The following TAOK1 variants were observed in gnomAD, a reference collection of about 807,000 sequenced individuals.
TAOK1 encodes the protein serine/threonine-protein kinase TAO1.
TAOK1 carries 21 observed loss-of-function variants against 138.3 expected under a neutral mutation model. The observed-to-expected ratio is 0.15, with a 90% confidence interval of 0.11 to 0.22. The LOEUF (loss-of-function observed/expected upper bound fraction) is 0.22. TAOK1 is among the 10% of genes least tolerant of loss of function. The pLI, the probability that TAOK1 is intolerant of heterozygous loss-of-function variation, is 1.00. For missense variants in TAOK1, 651 were observed against 1,227.7 expected, an observed-to-expected ratio of 0.53 and a Z score of 7.02; for synonymous variants, 361 against 398.4, an observed-to-expected ratio of 0.91 and a Z score of 1.12.
intron 8 of TAOK1, among the ~76,000 whole-genome samples, chr17:29,488,652 A>C (rs555868934): frequency 6.6e-6 from 1 of 151,348 alleles, no homozygotes; most frequent in African/African-American, 2.4e-5. Flanking sequence ...TTCGCCAAAT[A>C]TTTTCAGTCT....
rs949549436 is a variant in TAOK1 at position 29,551,530 on chromosome 17, C to G, written c.*8508C>G. On this transcript the variant is annotated 3_prime_UTR_variant, in exon 20 of 20. Transcript: ENST00000261716. ...ACACATTGTCCTCTCGATTTTTGGA[C>G]CAAACAGACGCTCACAGTGGAGGCT... 9 of 152,502 alleles carry G rather than the reference C, an allele frequency of 5.9e-5. No homozygotes were observed. The East Asian group carries it at 1.7e-3, about 29-fold the overall frequency. 9.4% of individuals were successfully genotyped at this position (152,502 alleles called of 1,614,324 possible).
At chr17:29,498,589 A>G in intron 12 of TAOK1, 68 bp downstream of exon 12, 1 of 1,557,014 alleles carries the variant, frequency 6.4e-7, no homozygotes, top group Non-Finnish European at 8.8e-7. Context: ...TGTTAGTTTA[A>G]GAGAAGGAAG....
intron 8 of TAOK1, among the ~76,000 whole-genome samples, chr17:29,485,931 T>C (rs1005037254): frequency 6.6e-6 from 1 of 152,222 alleles, no homozygotes; most frequent in African/African-American, 2.4e-5. Context: ...TCCAAATTTA[T>C]GGGTAGAGAC....
At chr17:29,464,568 G>T (rs146050197) in intron 2 of TAOK1, among the ~76,000 whole-genome samples, 63 of 152,074 alleles carry the variant, frequency 4.1e-4, no homozygotes, top group Non-Finnish European at 7.6e-4. Flanking sequence ...TATGGTATAT[G>T]AATTATTTCT....
intron 2 of TAOK1, among the ~76,000 whole-genome samples, chr17:29,465,512 T>TA (rs1025887148): frequency 1.3e-5 from 2 of 151,250 alleles, no homozygotes; most frequent in South Asian, 2.1e-4. Flanking sequence ...GTCCTTTTTT[T>TA]AAAAAAAAAG....
At chr17:29,476,905 G>A (rs944207175) in intron 4 of TAOK1, among the ~76,000 whole-genome samples, 1 of 151,810 alleles carries the variant, frequency 6.6e-6, no homozygotes, top group Non-Finnish European at 1.5e-5. Flanking sequence ...GAGTTCAGTG[G>A]CGCAATCACG....
rs541626864 is a variant in TAOK1, at chr17:29,403,408, G to T, written c.-95+12384G>T. On this transcript the variant is annotated intron_variant, in intron 1 of 19. Transcript: ENST00000261716. ...CGTTTTTAGACTTGGGGAATTTAGG[G>T]TTACTGAAAATTGGAAAAGCTTTGT... 3.9e-5 allele frequency among the ~76,000 whole-genome samples: 6 copies of T among 152,162 alleles called. No individual in the cohort carries two copies. In the South Asian group the frequency reaches 1.2e-3, roughly 32 times the overall value.
intron 8 of TAOK1, among the ~76,000 whole-genome samples, chr17:29,485,979 C>A (rs554310803): frequency 1.3e-5 from 2 of 152,268 alleles, no homozygotes; most frequent in South Asian, 4.1e-4. Context: ...GAAATAGTAT[C>A]TCTAACTTAA....
At chr17:29,497,420 A>G (rs1326626166) in intron 11 of TAOK1, among the ~76,000 whole-genome samples, 3 of 152,162 alleles carry the variant, frequency 2.0e-5, no homozygotes, top group Non-Finnish European at 2.9e-5. Flanking sequence ...ATGTAGTTAA[A>G]TTGTTAACAA....
At chr17:29,505,283 T>C (rs1174994588) in intron 13 of TAOK1, among the ~76,000 whole-genome samples, 2 of 152,148 alleles carry the variant, frequency 1.3e-5, no homozygotes, top group Non-Finnish European at 2.9e-5. Flanking sequence ...TTGAAGAGTT[T>C]TTACAATTCT....
chr17:29,506,616 A>G (rs932374359), intron 13 of TAOK1, among the ~76,000 whole-genome samples: 2 of 152,120 alleles, frequency 1.3e-5, no homozygotes, highest in African/African-American at 4.8e-5. Flanking sequence ...GTAGATCTCA[A>G]ATGTCTCACC....
At chr17:29,500,453 G>A (rs1168075947) in intron 12 of TAOK1, among the ~76,000 whole-genome samples, 1 of 151,958 alleles carries the variant, frequency 6.6e-6, no homozygotes, top group Non-Finnish European at 1.5e-5. Flanking sequence ...AACAAATTGT[G>A]GTTTATAGGC....
chr17:29,547,002 G>T lies in TAOK1; in HGVS notation c.*3980G>T, dbSNP rs2032412987. The stretch of plus-strand genomic sequence containing the variant: ...ATAAGTTGCAATGCAGTAAAATGGT[G>T]CTGGGGAAGGAGCCAGTTAGTGTTT... On this transcript the variant is annotated 3_prime_UTR_variant, in exon 20 of 20. Transcript: ENST00000261716. 6.6e-6 allele frequency: 1 copy of T among 152,100 alleles called. No homozygotes were observed. The highest frequency in any genetic ancestry group is 2.1e-4 in the South Asian group (1 of 4,830). 9.4% of individuals were successfully genotyped at this position (152,100 alleles called of 1,614,324 possible).
At chr17:29,491,253 G>A (rs535692356) in intron 9 of TAOK1, among the ~76,000 whole-genome samples, 5 of 152,110 alleles carry the variant, frequency 3.3e-5, no homozygotes, top group Admixed American at 6.6e-5. Context: ...GACTTCTAAC[G>A]TTTTTAAAAA....
chr17:29,495,743 A>C lies in TAOK1; in HGVS notation c.999+16A>C. 6.4e-7 allele frequency: 1 copy of C among 1,571,594 alleles called. No homozygotes were observed. The highest frequency in any genetic ancestry group is 8.6e-7 in the Non-Finnish European group (1 of 1,157,608). On this transcript the variant is annotated intron_variant, in intron 11 of 19. Transcript: ENST00000261716. ...AGAAGAAGAGGTAAGAGATAAAAAA[A>C]TGACTCCAATATTGAATTTTCACTT...
At chr17:29,426,316 T>A (rs571964417) in intron 1 of TAOK1, among the ~76,000 whole-genome samples, 2 of 152,088 alleles carry the variant, frequency 1.3e-5, no homozygotes, top group African/African-American at 2.4e-5. Flanking sequence ...GGGTAGGAAA[T>A]CAATGGAGAA....
intron 1 of TAOK1, among the ~76,000 whole-genome samples, chr17:29,426,726 C>T (rs192895740): frequency 2.0e-5 from 3 of 152,256 alleles, no homozygotes; most frequent in African/African-American, 4.8e-5. Flanking sequence ...GTGGGACCAG[C>T]TGTTGGTACA....
At chr17:29,540,370 G>GTTTT (rs1158950276) in intron 19 of TAOK1, among the ~76,000 whole-genome samples, 1 of 151,734 alleles carries the variant, frequency 6.6e-6, no homozygotes, top group African/African-American at 2.4e-5. Context: ...TTGTTTGTTT[G>GTTTT]TTTGTTTGTT....
At chr17:29,521,067 C>T (rs1425695355) in intron 16 of TAOK1, among the ~76,000 whole-genome samples, 10 of 151,758 alleles carry the variant, frequency 6.6e-5, no homozygotes, top group African/African-American at 1.9e-4. Flanking sequence ...GATCCGGATA[C>T]GTGTATATTA....
Sources: allele counts gnomAD v4.1 joint callset (sites outside exome capture counted in the v4.1 genomes callset), GRCh38; gene constraint gnomAD v4.1.1; transcripts MANE v1.5; gene names NCBI Gene and HGNC (gene_info 2026-07-23, HGNC 2026-07-21).